GJB7: variants seen among roughly 807,000 people sequenced by gnomAD.
GJB7 encodes the protein gap junction protein beta 7, also known as gap junction beta-7 protein.
For synonymous variants in GJB7, 87 were observed against 95.2 expected (o/e 0.91, Z 0.50); for missense variants, 253 against 256.8 (o/e 0.99, Z 0.10).
intron 2 of GJB7, among the ~76,000 whole-genome samples, chr6:87,307,028 G>T (rs1266167686): frequency 6.6e-6 from 1 of 152,070 alleles, no homozygotes; most frequent in Non-Finnish European, 1.5e-5. Context: ...CTGTTGTAGG[G>T]TGGGGAGAGT....
At chr6:87,290,404 T>G (rs1776148700) in intron 2 of GJB7, among the ~76,000 whole-genome samples, 1 of 152,192 alleles carries the variant, frequency 6.6e-6, no homozygotes, top group Non-Finnish European at 1.5e-5. Flanking sequence ...CTGCTGACAC[T>G]AGCAAACTCT....
intron 2 of GJB7, among the ~76,000 whole-genome samples, chr6:87,303,913 C>A (rs749194682): frequency 1.3e-5 from 2 of 152,042 alleles, no homozygotes; most frequent in Non-Finnish European, 2.9e-5. Context: ...AACAACCTGC[C>A]CCTGAATGAC....
At chr6:87,300,621 C>A (rs1776307057) in intron 2 of GJB7, among the ~76,000 whole-genome samples, 1 of 152,212 alleles carries the variant, frequency 6.6e-6, no homozygotes. Context: ...TGGGTTACTG[C>A]TGCCATTGTC....
chr6:87,324,096 C>G (rs1424633557), intron 1 of GJB7, among the ~76,000 whole-genome samples: 1 of 151,528 alleles, frequency 6.6e-6, no homozygotes, highest in African/African-American at 2.4e-5. Context: ...CTGTTCATGT[C>G]CTTCGCCCAC....
chr6:87,305,178 C>G (rs2127904832), intron 2 of GJB7, among the ~76,000 whole-genome samples: 1 of 152,166 alleles, frequency 6.6e-6, no homozygotes, highest in Admixed American at 6.5e-5. Context: ...CTCACCAGGG[C>G]AATCAGGCAG....
At chr6:87,308,302 C>T (rs6930255) in intron 2 of GJB7, among the ~76,000 whole-genome samples, 2,221 of 152,180 alleles carry the variant, frequency 0.015, 58 homozygotes, top group African/African-American at 0.05. Context: ...GTGCAGCACA[C>T]CAACATGGCA....
chr6:87,328,203 T>G (rs924320624), intron 1 of GJB7, among the ~76,000 whole-genome samples: 2 of 152,224 alleles, frequency 1.3e-5, no homozygotes, highest in African/African-American at 4.8e-5. Context: ...GGTTTGAATT[T>G]CCTCCCGTAG....
In GJB7 at chr6:87,286,065, G is replaced by T. The variant is rs114023586; in HGVS notation, c.-27-1126C>A. Among the ~76,000 whole-genome samples the T allele has an allele frequency of 9.7e-3, 1,475 of 151,834 alleles. 18 individuals are homozygous for T. Among genetic ancestry groups the T allele is most frequent in the African/African-American group, 0.034 (1,392 of 41,378 alleles). ...TGATTCTTTCATCTTCGTTTTTGTT[G>T]TCCACCTCTTAAGAATTCTGTCCTT... On this transcript the variant is annotated intron_variant, in intron 2 of 2. Transcript: ENST00000525899.
intron 2 of GJB7, among the ~76,000 whole-genome samples, chr6:87,301,973 C>A (rs540444499): frequency 6.6e-6 from 1 of 152,234 alleles, no homozygotes; most frequent in South Asian, 2.1e-4. Flanking sequence ...AGGGTCCTAA[C>A]TGTCAGAAGG....
At chr6:87,295,720 C>G (rs1186822589) in intron 2 of GJB7, among the ~76,000 whole-genome samples, 1 of 152,146 alleles carries the variant, frequency 6.6e-6, no homozygotes, top group Admixed American at 6.5e-5. Flanking sequence ...TTGCCCCACA[C>G]CATGGCTGAC....
At chr6:87,304,855 G>C (rs190482259) in intron 2 of GJB7, among the ~76,000 whole-genome samples, 28 of 152,322 alleles carry the variant, frequency 1.8e-4, no homozygotes, top group African/African-American at 6.7e-4. Flanking sequence ...TCCCTGGTTT[G>C]CAAGGCTGGT....
In GJB7 at chr6:87,283,358, C is replaced by G. The variant is rs1412107319; in HGVS notation, c.*883G>C. On this transcript the variant is annotated 3_prime_UTR_variant, in exon 3 of 3. Coordinates refer to ENST00000525899, the MANE Select transcript of GJB7 (RefSeq NM_198568.3). ...CATTCTTTTTCTGTGGCCTCCACTT[C>G]CTATCAATGTGTTGCCTTCTGGGGG... 6.6e-6 allele frequency: 1 copy of G among 152,226 alleles called. No individual in the cohort carries two copies. The highest frequency in any genetic ancestry group is 2.4e-5 in the African/African-American group (1 of 41,464). The allele number at this position is 152,226 out of a possible 1,614,324, so 9.4% of individuals were successfully genotyped here.
chr6:87,305,074 G>T (rs1319897458), intron 2 of GJB7, among the ~76,000 whole-genome samples: 2 of 152,142 alleles, frequency 1.3e-5, no homozygotes, highest in Non-Finnish European at 2.9e-5. Context: ...ATATCTTACT[G>T]AATGGGCAAA....
chr6:87,285,048 C>T (rs1049289154), intron 2 of GJB7, 109 bp from the exon 3 acceptor site: 4 of 717,374 alleles, frequency 5.6e-6, no homozygotes, highest in African/African-American at 5.4e-5. Context: ...ATTATAACAA[C>T]TCTGGTGGTT....
intron 2 of GJB7, among the ~76,000 whole-genome samples, chr6:87,311,969 G>A (rs1171577609): frequency 6.6e-6 from 1 of 151,984 alleles, no homozygotes; most frequent in Non-Finnish European, 1.5e-5. Flanking sequence ...GAATTGTAAA[G>A]CCTAAAACTA....
chr6:87,310,222 CAA>C (rs1248244199), intron 2 of GJB7, among the ~76,000 whole-genome samples: 2 of 152,084 alleles, frequency 1.3e-5, no homozygotes, highest in East Asian at 1.9e-4. Flanking sequence ...TAGAATATAA[CAA>C]AGAAGAATAT....
At chr6:87,311,749 C>A (rs1359982) in intron 2 of GJB7, among the ~76,000 whole-genome samples, 12,921 of 152,198 alleles carry the variant, frequency 0.085, 1,219 homozygotes, top group African/African-American at 0.23. Context: ...TTTGCTGATA[C>A]AAACAGTATA....
intron 2 of GJB7, among the ~76,000 whole-genome samples, chr6:87,313,491 T>A (rs1582566605): frequency 6.6e-6 from 1 of 152,334 alleles, no homozygotes; most frequent in East Asian, 1.9e-4. Context: ...CTTCTCAGGA[T>A]AAATGTCACT....
At chr6:87,326,587 T>A (rs1488395319) in intron 1 of GJB7, among the ~76,000 whole-genome samples, 1 of 149,388 alleles carries the variant, frequency 6.7e-6, no homozygotes, top group African/African-American at 2.5e-5. Flanking sequence ...TTGAGTGAGA[T>A]TCTTAATCCT....
Sources: gnomAD v4.1 joint callset for allele counts (sites outside exome capture counted in the v4.1 genomes callset) on GRCh38, gnomAD v4.1.1 for gene constraint, MANE v1.5 for transcripts, NCBI Gene and HGNC (gene_info 2026-07-23, HGNC 2026-07-21) for gene names.